The following GABBR2 variants were observed in gnomAD, a reference collection of about 807,000 sequenced individuals.
GABBR2 encodes gamma-aminobutyric acid type B receptor subunit 2.
In GABBR2, 23 loss-of-function variants were observed where a neutral mutation model predicts 105.6. The observed-to-expected ratio is 0.22, with a 90% CI of 0.16 to 0.31. The LOEUF (loss-of-function observed/expected upper bound fraction) is 0.31, where lower values mean the gene tolerates loss of function less well. Ranked by LOEUF, GABBR2 falls within the 10% of genes least tolerant of loss-of-function variation. GABBR2 has a pLI of 1.00. For missense variants in GABBR2, 734 were observed against 1,245.5 expected, an observed-to-expected ratio of 0.59 and a Z score of 6.18; for synonymous variants, 478 against 499.7, an observed-to-expected ratio of 0.96 and a Z score of 0.58.
chr9:98,657,697 AT>A, intron 1 of GABBR2, among the ~76,000 whole-genome samples: 1 of 152,266 alleles, frequency 6.6e-6, no homozygotes, highest in African/African-American at 2.4e-5. Context: ...TTGAATTATC[AT>A]CCCCCAAATC....
At chr9:98,607,945 C>G in intron 1 of GABBR2, 2 of 1,370,492 alleles carry the variant, frequency 1.5e-6, no homozygotes, top group Non-Finnish European at 2.0e-6. Context: ...CTGAAGAACT[C>G]TGAAGCTGAG....
At chr9:98,367,308 A>AAAAAT (rs557130387) in intron 12 of GABBR2, among the ~76,000 whole-genome samples, 2,910 of 150,986 alleles carry the variant, frequency 0.019, 45 homozygotes, top group African/African-American at 0.03. Context: ...TAAAAAAAAA[A>AAAAAT]AAAAAAATAA....
chr9:98,629,837 C>A (rs1298008596), intron 1 of GABBR2, among the ~76,000 whole-genome samples: 2 of 152,168 alleles, frequency 1.3e-5, no homozygotes, highest in African/African-American at 4.8e-5. Context: ...TTATGACGAT[C>A]CAGATATTTT....
intron 7 of GABBR2, among the ~76,000 whole-genome samples, chr9:98,439,652 G>A (rs1015450155): frequency 2.0e-5 from 3 of 152,146 alleles, no homozygotes; most frequent in African/African-American, 4.8e-5. Context: ...GTGTGTTTGC[G>A]TGCATATGAA....
In GABBR2 at chr9:98,455,824, C is replaced by T. The variant is rs142563152; in HGVS notation, c.1000-1607G>A. On this transcript the variant is annotated intron_variant, in intron 6 of 18. Transcript: ENST00000259455. The stretch of plus-strand genomic sequence containing the variant: ...CCTGGGGATGAGTGCCAAGTGCCCC[C>T]GGCTGTGAACCTTGCAGGCAATGAA... Among the ~76,000 whole-genome samples the T allele has an allele frequency of 6.1e-3, 928 of 152,296 alleles. 13 individuals are homozygous for T. Among genetic ancestry groups the T allele is most frequent in the African/African-American group, 0.021 (863 of 41,560 alleles).
chr9:98,300,692 C>A (rs574924508), intron 16 of GABBR2, among the ~76,000 whole-genome samples: 28 of 152,172 alleles, frequency 1.8e-4, no homozygotes, highest in Non-Finnish European at 3.2e-4. Context: ...CCTCATGAAA[C>A]AGAATCACTC....
At chr9:98,431,617 T>C (rs543508254) in intron 7 of GABBR2, among the ~76,000 whole-genome samples, 19 of 152,078 alleles carry the variant, frequency 1.2e-4, no homozygotes, top group African/African-American at 3.6e-4. Context: ...TATGGCCTGG[T>C]GGTGGAGTTC....
At chr9:98,359,851 G>T (rs1046562401) in intron 13 of GABBR2, among the ~76,000 whole-genome samples, 1 of 152,194 alleles carries the variant, frequency 6.6e-6, no homozygotes, top group Non-Finnish European at 1.5e-5. Flanking sequence ...TGGGAGTCCT[G>T]ACTGGGGAAT....
intron 13 of GABBR2, among the ~76,000 whole-genome samples, chr9:98,328,043 T>TTTTTTTTTTTTTTTTTTTTTTG (rs1433638259): frequency 2.7e-5 from 4 of 150,312 alleles, no homozygotes; most frequent in African/African-American, 9.8e-5. Flanking sequence ...ATCAATATTC[T>TTTTTTTTTTTTTTTTTTTTTTG]AAACCATATA....
chr9:98,305,013 TC>T (rs1393769888), intron 15 of GABBR2, among the ~76,000 whole-genome samples: 1 of 136,834 alleles, frequency 7.3e-6, no homozygotes, highest in Non-Finnish European at 1.6e-5. Context: ...CCTCAAGTGA[TC>T]CTCCTTCCTT....
intron 3 of GABBR2, among the ~76,000 whole-genome samples, chr9:98,526,917 A>G (rs1158298951): frequency 6.6e-6 from 1 of 152,000 alleles, no homozygotes; most frequent in East Asian, 1.9e-4. Flanking sequence ...GATGAGGAGG[A>G]ATATCTGCTC....
intron 7 of GABBR2, among the ~76,000 whole-genome samples, chr9:98,452,973 A>G (rs1826257940): frequency 6.6e-6 from 1 of 152,242 alleles, no homozygotes; most frequent in Non-Finnish European, 1.5e-5. Flanking sequence ...GGCCCACCCC[A>G]GCCCACCATC....
In GABBR2 at chr9:98,290,562, C is replaced by G. The variant is rs757104040; in HGVS notation, c.*22G>C. ...AGTGTGGTTCTGTCACGGGGGAGGC[C>G]CCGGGCCCAGGCCTCCCACCCTTAC... On this transcript the variant is annotated 3_prime_UTR_variant, in exon 19 of 19. Coordinates refer to ENST00000259455, the MANE Select transcript of GABBR2 (RefSeq NM_005458.8). The G allele has an allele frequency of 7.4e-7, 1 of 1,357,798 alleles. No individual in the cohort carries two copies. The highest frequency in any genetic ancestry group is 3.4e-5 in the Admixed American group (1 of 29,110). 84.1% of individuals were successfully genotyped at this position (1,357,798 alleles called of 1,614,324 possible). A position where few individuals can be genotyped will look rare whatever the true frequency, so the allele number is the denominator to read the frequency against.
chr9:98,497,224 G>A (rs545697136), intron 3 of GABBR2, among the ~76,000 whole-genome samples: 1 of 152,234 alleles, frequency 6.6e-6, no homozygotes, highest in East Asian at 1.9e-4. Context: ...CCGTGATCAC[G>A]CCACCGTACT....
At chr9:98,671,627 A>G (rs1488291926) in intron 1 of GABBR2, among the ~76,000 whole-genome samples, 1 of 152,226 alleles carries the variant, frequency 6.6e-6, no homozygotes, top group Non-Finnish European at 1.5e-5. Flanking sequence ...CAACGGTTCC[A>G]GTCTCTCTAC....
intron 1 of GABBR2, among the ~76,000 whole-genome samples, chr9:98,661,855 C>T (rs931122964): frequency 6.6e-6 from 1 of 152,144 alleles, no homozygotes; most frequent in African/African-American, 2.4e-5. Context: ...AGGTTAGGCC[C>T]CGTCCCTCAG....
chr9:98,405,936 T>A, intron 8 of GABBR2, 145 bp downstream of exon 8: 2 of 614,022 alleles, frequency 3.3e-6, no homozygotes, highest in Non-Finnish European at 5.7e-6. Context: ...AAACTAATGT[T>A]TTCAGAAAAG....
intron 7 of GABBR2, among the ~76,000 whole-genome samples, chr9:98,427,309 C>A (rs563010719): frequency 3.9e-5 from 6 of 152,324 alleles, no homozygotes; most frequent in Non-Finnish European, 5.9e-5. Context: ...TCCTCATTCC[C>A]ATTTACTATG....
At chr9:98,460,051 T>G (rs118133628) in intron 6 of GABBR2, among the ~76,000 whole-genome samples, 249 of 152,370 alleles carry the variant, frequency 1.6e-3, no homozygotes, top group Middle Eastern at 0.014. Flanking sequence ...GAGAAAAGTA[T>G]ATGGAATGGA....
Sources: allele counts gnomAD v4.1 joint callset (sites outside exome capture counted in the v4.1 genomes callset), GRCh38; gene constraint gnomAD v4.1.1; transcripts MANE v1.5; gene names NCBI Gene and HGNC (gene_info 2026-07-23, HGNC 2026-07-21).